Variants in DOHH observed in about 807,000 individuals in gnomAD.
The protein encoded by DOHH is HEAT-like (PBS lyase) repeat containing 1.
Under a neutral mutation model 19.9 loss-of-function variants are expected in DOHH, and 16 were observed. The ratio of observed to expected loss-of-function variants is 0.80; its 90% CI spans 0.54 to 1.22. The LOEUF (loss-of-function observed/expected upper bound fraction) is 1.22. DOHH is among the 50% of genes most tolerant of loss of function. The pLI is 0.00. For missense variants in DOHH, 460 were observed against 460.6 expected (o/e 1.00, Z 0.01); for synonymous variants, 233 against 217.0 (o/e 1.07, Z -0.65).
In DOHH at chr19:3,491,573, A is replaced by C. The variant is rs1237891023; in HGVS notation, c.828T>G (p.Ala276=). The change falls in exon 5 of 5, where the codon GCT becomes GCG. Residue 276 remains alanine, a synonymous_variant. Coordinates refer to ENST00000427575, the MANE Select transcript of DOHH (RefSeq NM_001145165.2). This position sits in a 1 kb window ranked among gnomAD's most constrained non-coding sequence, Gnocchi z 5.6. ...ERVVRESCEV[A]LDMYEHETGR... ...CGGTCTCGTGCTCATACATGTCCAG[A>C]GCCACCTCGCAGCTCTCACGCACCA... 4 of 1,535,850 alleles carry C rather than the reference A, an allele frequency of 2.6e-6. No individual in the cohort carries two copies. The highest frequency in any genetic ancestry group is 3.5e-6 in the Non-Finnish European group (4 of 1,146,720).
At chr19:3,494,615 A>G (rs140774420) in intron 2 of DOHH, among the ~76,000 whole-genome samples, 2 of 152,368 alleles carry the variant, frequency 1.3e-5, no homozygotes, top group African/African-American at 4.8e-5. Context: ...TACAGGCGCA[A>G]GTGCAGGCGT....
intron 1 of DOHH, among the ~76,000 whole-genome samples, 184 bp downstream of exon 1, chr19:3,500,377 G>A (rs560020978): frequency 6.6e-6 from 1 of 152,328 alleles, no homozygotes; most frequent in South Asian, 2.1e-4. Context: ...CAGGACGTGA[G>A]GTGGGCACTC....
intron 1 of DOHH, among the ~76,000 whole-genome samples, chr19:3,497,546 G>C (rs750067390): frequency 1.3e-5 from 2 of 152,234 alleles, no homozygotes; most frequent in Non-Finnish European, 2.9e-5. Flanking sequence ...CCAGAGGCCA[G>C]ACCCAGAGCC....
In DOHH at chr19:3,491,350, G is replaced by T; in HGVS notation, c.*142C>A. On this transcript the variant is annotated 3_prime_UTR_variant, in exon 5 of 5. Transcript: ENST00000427575. This position sits in a 1 kb window ranked among gnomAD's most constrained non-coding sequence, Gnocchi z 5.6. ...CAACGGCAGCTCCTCGGTCCCAGAC[G>T]GAGGAGGGGGACAGCAACCATGCGC... 1 of 878,422 alleles carries T rather than the reference G, an allele frequency of 1.1e-6. No individual in the cohort carries two copies. The highest frequency in any genetic ancestry group is 1.7e-6 in the Non-Finnish European group (1 of 587,044). 54.4% of individuals were successfully genotyped at this position (878,422 alleles called of 1,614,324 possible).
Position 3,494,052 on chromosome 19 carries a change from C to G in DOHH, c.327G>C (p.Gln109His). The G allele has an allele frequency of 3.7e-6, 6 of 1,613,818 alleles. No individual in the cohort carries two copies. Among genetic ancestry groups the G allele is most frequent in the Non-Finnish European group, 5.1e-6 (6 of 1,179,816 alleles). ...CCTCGATGACGGGGTCCGAGGAATA[C>G]TGCTTCAGGATCTCCAGAACTTCCG... is the stretch of plus-strand genomic sequence containing the variant. ...GDPEVLEILK[Q>H]YSSDPVIEVA... The change falls in exon 3 of 5, where the codon CAG (glutamine) becomes CAC (histidine). Residue 109 changes from glutamine (Q) to histidine (H), a missense_variant. Gln to His is a conservative substitution (Grantham distance 24). Coordinates refer to ENST00000427575, the MANE Select transcript of DOHH (RefSeq NM_001145165.2).
rs769481965 is a variant in DOHH at position 3,496,579 on chromosome 19, T to G, written c.236A>C (p.Gln79Pro). ...CACCATGGGCTCCTGACGGGTGTCT[T>G]GCAGCACGTCCACCAGCATGGGGAT... ...RAIPMLVDVL[Q>P]DTRQEPMVRH... The change falls in exon 2 of 5, where the codon CAA becomes CCA. Residue 79 changes from glutamine to proline, a missense_variant. Physicochemically the swap from Gln to Pro is moderately conservative, Grantham distance 76. Coordinates refer to ENST00000427575, the MANE Select transcript of DOHH (RefSeq NM_001145165.2). This position sits in a 1 kb window ranked among gnomAD's most constrained non-coding sequence, Gnocchi z 4.8. 32 of 1,613,640 alleles carry G rather than the reference T, an allele frequency of 2.0e-5. No individual in the cohort carries two copies. The highest frequency in any genetic ancestry group is 2.7e-5 in the Non-Finnish European group (32 of 1,179,928).
Position 3,496,538 on chromosome 19 carries a change from C to A in DOHH, c.274+3G>T. On this transcript the variant is annotated splice_donor_region_variant and intron_variant, in intron 2 of 4. Transcript: ENST00000427575. The surrounding 1 kb of genome is among the most constrained non-coding windows in gnomAD (Gnocchi z 4.8). ...GGTGCCCGGGACACAGACAGGTGCT[C>A]ACCTGCCTCATGGCGCACCATGGGC... 1 of 1,608,428 alleles carries A rather than the reference C, an allele frequency of 6.2e-7. No individual in the cohort carries two copies.
chr19:3,494,771 G>C (rs907120383), intron 2 of DOHH, among the ~76,000 whole-genome samples: 1 of 152,228 alleles, frequency 6.6e-6, no homozygotes, highest in Non-Finnish European at 1.5e-5. Flanking sequence ...TGAAGGTTGC[G>C]GTTTGCGTTT....
Position 3,491,333 on chromosome 19 carries a change from G to T in DOHH, c.*159C>A. 1 of 751,778 alleles carries T rather than the reference G, an allele frequency of 1.3e-6. No individual in the cohort carries two copies. The highest frequency in any genetic ancestry group is 2.1e-6 in the Non-Finnish European group (1 of 476,990). The allele number at this position is 751,778 out of a possible 1,614,324, so 46.6% of individuals were successfully genotyped here. On this transcript the variant is annotated 3_prime_UTR_variant, in exon 5 of 5. Transcript: ENST00000427575. This position sits in a 1 kb window ranked among gnomAD's most constrained non-coding sequence, Gnocchi z 5.6. ...CTCAGGGAGTCACAGCACAACGGCA[G>T]CTCCTCGGTCCCAGACGGAGGAGGG...
intron 1 of DOHH, among the ~76,000 whole-genome samples, chr19:3,497,135 CA>C (rs1181680565): frequency 1.3e-5 from 2 of 152,222 alleles, no homozygotes; most frequent in African/African-American, 4.8e-5. Flanking sequence ...GCTCTCCACA[CA>C]GCAGCCAGAG....
chr19:3,499,645 G>A (rs1278108377), intron 1 of DOHH, among the ~76,000 whole-genome samples: 3 of 152,236 alleles, frequency 2.0e-5, no homozygotes, highest in South Asian at 2.1e-4. Flanking sequence ...GGTGGTGGGC[G>A]CCTGTAATCC....
Position 3,491,816 on chromosome 19 carries a change from A to AG in DOHH, c.590-6dup. 6.9e-7 allele frequency: 1 copy of AG among 1,458,130 alleles called. No individual in the cohort carries two copies. Among genetic ancestry groups the AG allele is most frequent in the African/African-American group, 1.5e-5 (1 of 67,424 alleles). The allele number at this position is 1,458,130 out of a possible 1,614,324, so 90.3% of individuals were successfully genotyped here. A position where few individuals can be genotyped will look rare whatever the true frequency, so the allele number is the denominator to read the frequency against. On this transcript the variant is annotated splice_polypyrimidine_tract_variant and splice_region_variant and intron_variant, in intron 4 of 4. Transcript: ENST00000427575. This position sits in a 1 kb window ranked among gnomAD's most constrained non-coding sequence, Gnocchi z 5.6. ...GGGCGCTCCCACAGTGCAGACCTGC[A>AG]GGGGAGAGGGACACTCGCTGGGGCC...
At chr19:3,497,401 T>C (rs1195989202) in intron 1 of DOHH, among the ~76,000 whole-genome samples, 2 of 152,196 alleles carry the variant, frequency 1.3e-5, no homozygotes. Flanking sequence ...AGCAGTCTTT[T>C]GTAGGGGCCC....
chr19:3,492,246 A>G lies in DOHH; in HGVS notation c.589+16T>C. 6.9e-7 allele frequency: 1 copy of G among 1,451,924 alleles called. No individual in the cohort carries two copies. Among genetic ancestry groups the G allele is most frequent in the Non-Finnish European group, 9.0e-7 (1 of 1,112,230 alleles). 89.9% of individuals were successfully genotyped at this position (1,451,924 alleles called of 1,614,324 possible). On this transcript the variant is annotated intron_variant, in intron 4 of 4. Coordinates refer to ENST00000427575, the MANE Select transcript of DOHH (RefSeq NM_001145165.2). ...GAGGCACTGCCCAGGACCCCACCCCAGAAGCCCCTCCTCACCCTCGGCCAG... is the reference window on the plus strand; with the variant it reads ...GAGGCACTGCCCAGGACCCCACCCCGGAAGCCCCTCCTCACCCTCGGCCAG...
chr19:3,494,593 G>T (rs1323663598), intron 2 of DOHH, among the ~76,000 whole-genome samples: 1 of 152,260 alleles, frequency 6.6e-6, no homozygotes, highest in Non-Finnish European at 1.5e-5. Flanking sequence ...GCTACACTTA[G>T]GTGGGTTCGG....
rs1278665044 is a variant in DOHH at position 3,496,891 on chromosome 19, GGC to G, written c.-72-7_-72-6del. ...GGGACGCGGGGATGTAAGAACCTGT[GGC>G]AGAAAAATGAGAGCCCAGGTTAGAA... On this transcript the variant is annotated splice_polypyrimidine_tract_variant and splice_region_variant and intron_variant, in intron 1 of 4. Transcript: ENST00000427575. The surrounding 1 kb of genome is among the most constrained non-coding windows in gnomAD (Gnocchi z 4.8). The G allele has an allele frequency of 5.0e-6, 7 of 1,390,720 alleles. No homozygotes were observed. The highest frequency in any genetic ancestry group is 5.2e-5 in the Admixed American group (2 of 38,402). 86.1% of individuals were successfully genotyped at this position (1,390,720 alleles called of 1,614,324 possible).
chr19:3,498,587 T>C (rs1381999997), intron 1 of DOHH, among the ~76,000 whole-genome samples: 1 of 152,106 alleles, frequency 6.6e-6, no homozygotes. Flanking sequence ...GTATTTTTAG[T>C]AGAGACAGGG....
At position 3,492,331 on chromosome 19, in the gene DOHH, CGAA is replaced by C; in HGVS notation, c.517_519del (p.Phe173del). The C allele has an allele frequency of 1.6e-5, 24 of 1,544,178 alleles. No individual in the cohort carries two copies. Among genetic ancestry groups the C allele is most frequent in the Non-Finnish European group, 2.1e-5 (24 of 1,152,740 alleles). ...AGGGCGAACATGGCGCGGTATCGCT[CGAA>C]GAGCGGCCGGGACTCATCCAGCAGC... On this transcript the variant is annotated inframe_deletion, in exon 4 of 5. Coordinates refer to ENST00000427575, the MANE Select transcript of DOHH (RefSeq NM_001145165.2).
rs182106114 is a variant in DOHH, at chr19:3,493,731, G to A, written c.351+297C>T. On this transcript the variant is annotated intron_variant, in intron 3 of 4. Coordinates refer to ENST00000427575, the MANE Select transcript of DOHH (RefSeq NM_001145165.2). Reference sequence around the variant, plus strand: ...GGGTTCAGAGGGGTCTTGGCAGAGGGACTGGACGTGGGGGTTCAGAGAAAG... The same window carrying A: ...GGGTTCAGAGGGGTCTTGGCAGAGGAACTGGACGTGGGGGTTCAGAGAAAG... Among the ~76,000 whole-genome samples, 7 of 152,308 alleles carry A rather than the reference G, an allele frequency of 4.6e-5. No individual in the cohort carries two copies. The South Asian group carries it at 8.3e-4, about 18-fold the overall frequency.
Sources: allele counts gnomAD v4.1 joint callset (sites outside exome capture counted in the v4.1 genomes callset), GRCh38; gene constraint gnomAD v4.1.1; non-coding constraint Gnocchi (gnomAD v3.1); transcripts MANE v1.5; gene names NCBI Gene and HGNC (gene_info 2026-07-23, HGNC 2026-07-21).